Variants in ATCAY observed in about 807,000 individuals in gnomAD.
ATCAY encodes ATCAY kinesin light chain interacting caytaxin.
ATCAY carries 22 observed loss-of-function variants against 47.7 expected under a neutral mutation model. The observed-to-expected ratio is 0.46, with a 90% CI of 0.33 to 0.66. The LOEUF (loss-of-function observed/expected upper bound fraction) is 0.66, where lower values mean the gene tolerates loss of function less well. Ranked by LOEUF, ATCAY falls within the 30% of genes least tolerant of loss-of-function variation. The pLI, the probability that ATCAY is intolerant of heterozygous loss-of-function variation, is 0.02. For missense variants in ATCAY, 452 were observed against 515.0 expected (o/e 0.88, Z 1.18); for synonymous variants, 216 against 207.6 (o/e 1.04, Z -0.35).
Position 3,927,658 on chromosome 19 carries a change from G to A in ATCAY, c.*3066G>A, listed in dbSNP as rs1038570322. The A allele has an allele frequency of 1.3e-5, 2 of 152,262 alleles. No homozygotes were observed. Among genetic ancestry groups the A allele is most frequent in the African/African-American group, 4.8e-5 (2 of 41,434 alleles). The allele number at this position is 152,262 out of a possible 1,614,324, so 9.4% of individuals were successfully genotyped here. A position where few individuals can be genotyped will look rare whatever the true frequency, so the allele number is the denominator to read the frequency against. ...CAGACAACAGGCAGGCGAAACTGAA[G>A]ACCCCAACTCAGCCCCAGCGGACCC... On this transcript the variant is annotated 3_prime_UTR_variant, in exon 13 of 13. Transcript: ENST00000450849.
intron 9 of ATCAY, 60 bp downstream of exon 9, chr19:3,913,916 C>A: frequency 6.8e-7 from 1 of 1,473,802 alleles, no homozygotes; most frequent in Non-Finnish European, 9.5e-7. Context: ...CTGATAAAGA[C>A]ACACCTGAGA....
intron 6 of ATCAY, among the ~76,000 whole-genome samples, chr19:3,909,150 T>A (rs1599290592): frequency 7.4e-6 from 1 of 135,402 alleles, no homozygotes; most frequent in African/African-American, 2.8e-5. Flanking sequence ...GGCAGGAGAA[T>A]GGCGTGAACC....
intron 11 of ATCAY, 73 bp from the exon 12 acceptor site, chr19:3,920,693 A>AG: frequency 7.5e-7 from 1 of 1,334,024 alleles, no homozygotes; most frequent in Non-Finnish European, 1.0e-6. Flanking sequence ...AATAAGTTAA[A>AG]GAAAAAAAAG....
rs543104168 is a variant in ATCAY at position 3,898,116 on chromosome 19, C to T, written c.78-4371C>T. On this transcript the variant is annotated intron_variant, in intron 2 of 12. Coordinates refer to ENST00000450849, the MANE Select transcript of ATCAY (RefSeq NM_033064.5). ...AAGTCAGCCCCATTTTCATCCCTCT[C>T]CCCCAACCCCAGTGACCACACATCT... 2.0e-4 allele frequency among the ~76,000 whole-genome samples: 31 copies of T among 152,162 alleles called. No homozygotes were observed. The South Asian group carries it at 5.0e-3, about 24-fold the overall frequency.
rs948531329 is a variant in ATCAY, at chr19:3,926,840, C to T, written c.*2248C>T. On this transcript the variant is annotated 3_prime_UTR_variant, in exon 13 of 13. Coordinates refer to ENST00000450849, the MANE Select transcript of ATCAY (RefSeq NM_033064.5). Reference sequence around the variant, plus strand: ...CATGGTAGGGTTTTAACATTTGTTTCCCAAATGTCAAATCCCGGGCACAGG... The same window carrying T: ...CATGGTAGGGTTTTAACATTTGTTTTCCAAATGTCAAATCCCGGGCACAGG... The T allele has an allele frequency of 6.6e-5, 10 of 152,276 alleles. No individual in the cohort carries two copies. Among genetic ancestry groups the T allele is most frequent in the African/African-American group, 2.4e-4 (10 of 41,560 alleles). 9.4% of individuals were successfully genotyped at this position (152,276 alleles called of 1,614,324 possible). A position where few individuals can be genotyped will look rare whatever the true frequency, so the allele number is the denominator to read the frequency against.
chr19:3,920,710 T>C, intron 11 of ATCAY, 56 bp from the exon 12 acceptor site: 1 of 1,472,016 alleles, frequency 6.8e-7, no homozygotes, highest in Non-Finnish European at 9.0e-7. Flanking sequence ...AAAGGGAAAA[T>C]GCCCAGGCTC....
At chr19:3,900,593 G>C (rs968700174) in intron 2 of ATCAY, among the ~76,000 whole-genome samples, 6 of 152,110 alleles carry the variant, frequency 3.9e-5, no homozygotes, top group African/African-American at 1.4e-4. Context: ...CTGGAGAGCA[G>C]TGGCACGATC....
intron 2 of ATCAY, among the ~76,000 whole-genome samples, chr19:3,896,384 C>T (rs1456489651): frequency 2.0e-5 from 3 of 151,844 alleles, no homozygotes; most frequent in Non-Finnish European, 4.4e-5. Flanking sequence ...TCTCTTGCCT[C>T]AGCCTCCCGA....
At chr19:3,905,257 T>C (rs2038849946) in intron 3 of ATCAY, among the ~76,000 whole-genome samples, 177 bp from the exon 4 acceptor site, 1 of 152,102 alleles carries the variant, frequency 6.6e-6, no homozygotes, top group Admixed American at 6.6e-5. Context: ...CATTCACCCC[T>C]GTCAGGATGA....
At chr19:3,893,276 C>T (rs540917075) in intron 2 of ATCAY, among the ~76,000 whole-genome samples, 2 of 151,208 alleles carry the variant, frequency 1.3e-5, no homozygotes, top group Middle Eastern at 3.4e-3. Context: ...TGGGTTCAAG[C>T]GACTCTCCTG....
intron 2 of ATCAY, among the ~76,000 whole-genome samples, chr19:3,900,916 T>A (rs1444241884): frequency 7.8e-6 from 1 of 127,734 alleles, no homozygotes; most frequent in Non-Finnish European, 1.6e-5. Flanking sequence ...TTTTTTTTTT[T>A]TTTGAGACAG....
At position 3,909,511 on chromosome 19, in the gene ATCAY, C is replaced by T; in HGVS notation, c.673C>T (p.Leu225=). 1 of 1,613,836 alleles carries T rather than the reference C, an allele frequency of 6.2e-7. No homozygotes were observed. The highest frequency in any genetic ancestry group is 1.1e-5 in the South Asian group (1 of 91,082). Residue 225 remains leucine, a synonymous_variant, in exon 7 of 13, where the codon CTG becomes TTG. Transcript: ENST00000450849. ...FLYVISSLEL[L]VAEDYMIVYL... ...GTACGTCATCAGCAGCTTAGAGCTC[C>T]TGGTGGCTGAGGACTACATGATCGT...
intron 2 of ATCAY, among the ~76,000 whole-genome samples, chr19:3,897,748 A>T (rs543376746): frequency 1.3e-5 from 2 of 152,102 alleles, no homozygotes; most frequent in Non-Finnish European, 2.9e-5. Flanking sequence ...TCTCTACTAA[A>T]AACACAAAAA....
At chr19:3,903,982 C>CAAAAAAAAAA (rs59631453) in intron 3 of ATCAY, among the ~76,000 whole-genome samples, 4 of 79,026 alleles carry the variant, frequency 5.1e-5, no homozygotes, top group African/African-American at 7.3e-5. Flanking sequence ...ACTAAAGATA[C>CAAAAAAAAAA]AAAAAAAAAA....
intron 2 of ATCAY, among the ~76,000 whole-genome samples, chr19:3,901,840 C>T (rs1004984906): frequency 2.0e-5 from 3 of 151,944 alleles, no homozygotes; most frequent in Non-Finnish European, 2.9e-5. Flanking sequence ...ACTAAAAATA[C>T]AAAAATTAGC....
Position 3,907,700 on chromosome 19 carries a change from G to C in ATCAY, c.359-34G>C. Reference sequence around the variant, plus strand: ...GGAGGGCAGGAGATATCCGGACTCTGGCGTCCATGCGACTCTCCGCCACCT... The same window carrying C: ...GGAGGGCAGGAGATATCCGGACTCTCGCGTCCATGCGACTCTCCGCCACCT... On this transcript the variant is annotated intron_variant, in intron 4 of 12. Transcript: ENST00000450849. The surrounding 1 kb of genome is among the most constrained non-coding windows in gnomAD (Gnocchi z 5.1). 1.9e-6 allele frequency: 3 copies of C among 1,611,304 alleles called. No homozygotes were observed. The highest frequency in any genetic ancestry group is 2.5e-6 in the Non-Finnish European group (3 of 1,178,584).
chr19:3,918,257 T>C lies in ATCAY; in HGVS notation c.1001+480T>C, dbSNP rs1275227834. ...AAAATTAGCCAGGCGTGGTGGTGCGTGCCTGTAATCCCAGCTACTTGGGAG... is the reference window on the plus strand; with the variant it reads ...AAAATTAGCCAGGCGTGGTGGTGCGCGCCTGTAATCCCAGCTACTTGGGAG... On this transcript the variant is annotated intron_variant, in intron 10 of 12. Coordinates refer to ENST00000450849, the MANE Select transcript of ATCAY (RefSeq NM_033064.5). Among the ~76,000 whole-genome samples the C allele has an allele frequency of 4.0e-5, 6 of 151,842 alleles. No individual in the cohort carries two copies. In the East Asian group the frequency reaches 7.7e-4, roughly 20 times the overall value.
chr19:3,918,694 GA>G, intron 10 of ATCAY, 111 bp from the exon 11 acceptor site: 1 of 1,116,908 alleles, frequency 9.0e-7, no homozygotes, highest in Non-Finnish European at 1.3e-6. Flanking sequence ...CACTGGTTTG[GA>G]AAACAGGTCC....
chr19:3,907,165 G>C lies in ATCAY; in HGVS notation c.359-569G>C, dbSNP rs1019461119. Among the ~76,000 whole-genome samples, 1 of 151,200 alleles carries C rather than the reference G, an allele frequency of 6.6e-6. No individual in the cohort carries two copies. Among genetic ancestry groups the C allele is most frequent in the Non-Finnish European group, 1.5e-5 (1 of 67,834 alleles). On this transcript the variant is annotated intron_variant, in intron 4 of 12. Coordinates refer to ENST00000450849, the MANE Select transcript of ATCAY (RefSeq NM_033064.5). The surrounding 1 kb of genome is among the most constrained non-coding windows in gnomAD (Gnocchi z 5.1). The stretch of plus-strand genomic sequence containing the variant: ...AAAAGAAAGAAAAAAAAAAATTAAG[G>C]ACAATGTAGTGGCTCATTCCTGTAA...
Sources: gnomAD v4.1 joint callset for allele counts (sites outside exome capture counted in the v4.1 genomes callset) on GRCh38, gnomAD v4.1.1 for gene constraint, Gnocchi (gnomAD v3.1) non-coding constraint, MANE v1.5 for transcripts, NCBI Gene and HGNC (gene_info 2026-07-23, HGNC 2026-07-21) for gene names.